Variants in KPNA7 observed in about 807,000 individuals in gnomAD.
KPNA7 encodes the protein karyopherin subunit alpha 7, also known as importin subunit alpha-8.
Under a neutral mutation model 53.7 loss-of-function variants are expected in KPNA7, and 54 were observed. The ratio of observed to expected loss-of-function variants is 1.01; its 90% CI spans 0.81 to 1.26. The LOEUF is 1.26. Among genes scored for constraint, KPNA7 ranks in the 50% most tolerant of loss-of-function variants. KPNA7 has a pLI of 0.00. For missense variants in KPNA7, 640 were observed against 644.5 expected (o/e 0.99, Z 0.07); for synonymous variants, 276 against 259.3 (o/e 1.06, Z -0.62).
chr7:99,212,064 T>A (rs1791085245), upstream of KPNA7, among the ~76,000 whole-genome samples: 3 of 152,018 alleles, frequency 2.0e-5, no homozygotes, highest in South Asian at 6.2e-4. Context: ...GGCTTAAGAC[T>A]ATCTCAGGCT....
At chr7:99,178,099 C>G in intron 9 of KPNA7, 33 bp from the exon 10 acceptor site, 1 of 1,544,880 alleles carries the variant, frequency 6.5e-7, no homozygotes, top group Middle Eastern at 1.7e-4. Context: ...ATGAGACCCC[C>G]GGCAGGAGCC....
the KPNA7 span, among the ~76,000 whole-genome samples, chr7:99,150,353 C>T: frequency 1.3e-5 from 2 of 151,682 alleles, no homozygotes; most frequent in African/African-American, 4.8e-5. Flanking sequence ...ACCTGGGCCG[C>T]CCCCTAAAGT....
In KPNA7 at chr7:99,203,122, G is replaced by GC; in HGVS notation, c.184_185insG (p.Thr62SerfsTer13). On this transcript the variant is annotated frameshift_variant, in exon 3 of 11. Transcript: ENST00000327442. LOFTEE classifies it high-confidence loss of function. ...CATACTGACCGCCACCCCTTTGGCT[G>GC]TTTTTTCAGAAGGTGTGTCAGGGCA... The GC allele has an allele frequency of 1.3e-6, 2 of 1,551,618 alleles. No individual in the cohort carries two copies. Among genetic ancestry groups the GC allele is most frequent in the Non-Finnish European group, 1.7e-6 (2 of 1,146,966 alleles).
rs1302882253 is a variant in KPNA7, at chr7:99,181,844, G to A, written c.1317+39C>T. On this transcript the variant is annotated intron_variant, in intron 9 of 10. Coordinates refer to ENST00000327442, the MANE Select transcript of KPNA7 (RefSeq NM_001145715.3). The stretch of plus-strand genomic sequence containing the variant: ...CATTAAATGCTTGTATCCAGTTGGA[G>A]ACAGCTATTTACAAACCAACCTGTT... The A allele has an allele frequency of 4.2e-6, 6 of 1,438,060 alleles. No homozygotes were observed. The East Asian group carries it at 7.9e-5, about 19-fold the overall frequency. The allele number at this position is 1,438,060 out of a possible 1,614,324, so 89.1% of individuals were successfully genotyped here.
intron 9 of KPNA7, 113 bp from the exon 10 acceptor site, chr7:99,178,179 T>C (rs1414306367): frequency 1.2e-6 from 1 of 867,810 alleles, no homozygotes; most frequent in South Asian, 1.9e-5. Flanking sequence ...AAGGCTACCA[T>C]TCCAGAATGG....
intron 7 of KPNA7, among the ~76,000 whole-genome samples, chr7:99,187,531 G>A (rs1789659785): frequency 6.7e-6 from 1 of 149,136 alleles, no homozygotes; most frequent in Non-Finnish European, 1.5e-5. Context: ...TGAGACTACA[G>A]GTATGCACCA....
chr7:99,192,964 A>T lies in KPNA7; in HGVS notation c.636+55T>A. On this transcript the variant is annotated intron_variant, in intron 6 of 10. Coordinates refer to ENST00000327442, the MANE Select transcript of KPNA7 (RefSeq NM_001145715.3). Reference sequence around the variant, plus strand: ...ATGGTGAGGCTCCATCTCTATTAAGATTATTTTAAAATTTTAATTTAAAAA... The same window carrying T: ...ATGGTGAGGCTCCATCTCTATTAAGTTTATTTTAAAATTTTAATTTAAAAA... 3.9e-6 allele frequency: 5 copies of T among 1,270,038 alleles called. No individual in the cohort carries two copies. In the East Asian group the frequency reaches 1.3e-4, roughly 33 times the overall value. 78.7% of individuals were successfully genotyped at this position (1,270,038 alleles called of 1,614,324 possible).
At chr7:99,179,416 T>C (rs972390240) in intron 9 of KPNA7, among the ~76,000 whole-genome samples, 3 of 151,606 alleles carry the variant, frequency 2.0e-5, no homozygotes, top group Admixed American at 1.3e-4. Context: ...ATTAGCTGGG[T>C]GTGGTAGCAC....
intron 2 of KPNA7, among the ~76,000 whole-genome samples, 152 bp downstream of exon 2, chr7:99,207,249 C>T (rs1472419010): frequency 6.6e-5 from 10 of 151,924 alleles, no homozygotes; most frequent in East Asian, 1.9e-4. Flanking sequence ...TGGCCAGGAT[C>T]GTCTTAACCT....
downstream of KPNA7, among the ~76,000 whole-genome samples, chr7:99,168,636 A>G (rs1030649114): frequency 7.9e-5 from 12 of 152,058 alleles, no homozygotes; most frequent in African/African-American, 2.9e-4. Context: ...TCAGGCTCCC[A>G]AGCAGCTAGG....
At chr7:99,184,847 C>T in intron 8 of KPNA7, 82 bp downstream of exon 8, 1 of 1,163,184 alleles carries the variant, frequency 8.6e-7, no homozygotes. Flanking sequence ...GCTTCTGCAC[C>T]TGTGTCTGGA....
chr7:99,188,647 T>C (rs1306481712), intron 6 of KPNA7, 84 bp from the exon 7 acceptor site: 1 of 1,335,118 alleles, frequency 7.5e-7, no homozygotes, highest in African/African-American at 1.5e-5. Context: ...TTCCAATCAA[T>C]ACCATAGATC....
chr7:99,177,489 C>A (rs186406675), intron 10 of KPNA7, among the ~76,000 whole-genome samples: 12 of 138,328 alleles, frequency 8.7e-5, no homozygotes, highest in Non-Finnish European at 4.6e-5. Flanking sequence ...GCTCAAGAAT[C>A]AACTGAATCT....
chr7:99,152,267 CAGG>C, the KPNA7 span, among the ~76,000 whole-genome samples: 20 of 150,284 alleles, frequency 1.3e-4, no homozygotes, highest in Non-Finnish European at 2.1e-4. Flanking sequence ...GAGGCTGAGG[CAGG>C]AGAATTGCTT....
chr7:99,216,793 C>G (rs997683499), intron 1 of KPNA7, among the ~76,000 whole-genome samples: 2 of 152,096 alleles, frequency 1.3e-5, no homozygotes, highest in Non-Finnish European at 2.9e-5. Context: ...AACTCCTGAC[C>G]TCAGGTGATC....
chr7:99,153,129 G>A, the KPNA7 span, among the ~76,000 whole-genome samples: 13 of 152,276 alleles, frequency 8.5e-5, no homozygotes, highest in African/African-American at 2.4e-4. Context: ...ATCTTTCCCC[G>A]AAGGAGTTTC....
intron 3 of KPNA7, among the ~76,000 whole-genome samples, chr7:99,197,386 T>C (rs1790281797): frequency 6.6e-6 from 1 of 152,178 alleles, no homozygotes; most frequent in Non-Finnish European, 1.5e-5. Context: ...ATCTGATTTC[T>C]AGAGTTGTCA....
the KPNA7 span, among the ~76,000 whole-genome samples, chr7:99,161,222 ACTCT>A: frequency 3.1e-3 from 464 of 147,800 alleles, no homozygotes; most frequent in African/African-American, 8.5e-3. Context: ...ATGTACACAA[ACTCT>A]CTCTCTCTCT....
downstream of KPNA7, among the ~76,000 whole-genome samples, chr7:99,172,465 A>C (rs1315602746): frequency 6.6e-6 from 1 of 152,212 alleles, no homozygotes; most frequent in East Asian, 1.9e-4. Context: ...CTGTAATCCC[A>C]GCACTTTGGG....
Sources: allele counts gnomAD v4.1 joint callset (sites outside exome capture counted in the v4.1 genomes callset), GRCh38; gene constraint gnomAD v4.1.1; transcripts MANE v1.5; gene names NCBI Gene and HGNC (gene_info 2026-07-23, HGNC 2026-07-21).